KIF25: variants seen among roughly 807,000 people sequenced by gnomAD.
KIF25 encodes the protein kinesin family member 25.
In KIF25, 19 loss-of-function variants were observed where a neutral mutation model predicts 32.9. That is an observed-to-expected ratio of 0.58 (90% CI 0.40 to 0.85). The LOEUF (loss-of-function observed/expected upper bound fraction) is 0.85, where lower values mean the gene tolerates loss of function less well. Ranked by LOEUF, KIF25 falls within the 40% of genes least tolerant of loss-of-function variation. The probability of loss-of-function intolerance (pLI) is 0.00; values close to 1 mark genes in which losing one functional copy is unlikely to be tolerated. For missense variants in KIF25, 485 were observed against 507.0 expected (o/e 0.96, Z 0.42); for synonymous variants, 225 against 213.7 (o/e 1.05, Z -0.46).
At chr6:168,028,570 G>T (rs891936793) in intron 5 of KIF25, among the ~76,000 whole-genome samples, 12 of 145,366 alleles carry the variant, frequency 8.3e-5, no homozygotes, top group Non-Finnish European at 1.5e-4. Flanking sequence ...TTCTATTCTC[G>T]TTCTTTTATT....
intron 9 of KIF25, among the ~76,000 whole-genome samples, chr6:168,039,801 T>C (rs1799088698): frequency 6.6e-6 from 1 of 152,190 alleles, no homozygotes; most frequent in Non-Finnish European, 1.5e-5. Context: ...GAATAGGTGA[T>C]GTTGAAAAGG....
At chr6:168,015,270 G>T (rs1420387467) in intron 4 of KIF25, among the ~76,000 whole-genome samples, 1 of 152,062 alleles carries the variant, frequency 6.6e-6, no homozygotes, top group South Asian at 2.1e-4. Context: ...TGTTGCTCAC[G>T]GGTCTCCTCT....
chr6:168,029,570 G>A lies in KIF25; in HGVS notation c.-16G>A, dbSNP rs373463263. The A allele has an allele frequency of 6.2e-7, 1 of 1,608,062 alleles. No homozygotes were observed. The highest frequency in any genetic ancestry group is 8.5e-7 in the Non-Finnish European group (1 of 1,178,232). ...GCAGGCCAGGCCTGGGTCTGGAGCC[G>A]TCCTGGCCTTCCCAGATGACATGGA... On this transcript the variant is annotated 5_prime_UTR_variant, in exon 6 of 13. Transcript: ENST00000643607.
At chr6:168,030,752 C>T in intron 6 of KIF25, 21 bp from the exon 7 acceptor site, 2 of 1,600,126 alleles carry the variant, frequency 1.2e-6, no homozygotes, top group Non-Finnish European at 1.7e-6. Context: ...ATTAATACAG[C>T]ATTTTCACTT....
At chr6:168,017,496 C>T (rs564632710) in intron 4 of KIF25, among the ~76,000 whole-genome samples, 3 of 152,292 alleles carry the variant, frequency 2.0e-5, no homozygotes, top group South Asian at 2.1e-4. Flanking sequence ...CCAGCAAGAT[C>T]GAAATTTGTT....
chr6:168,012,005 T>TA (rs1382463755), intron 4 of KIF25, among the ~76,000 whole-genome samples: 1 of 152,174 alleles, frequency 6.6e-6, no homozygotes, highest in Non-Finnish European at 1.5e-5. Context: ...ATATCATATA[T>TA]TTCATTGAAT....
chr6:168,016,232 G>GAAGA (rs1329614236), intron 4 of KIF25, among the ~76,000 whole-genome samples: 1 of 152,202 alleles, frequency 6.6e-6, no homozygotes, highest in African/African-American at 2.4e-5. Flanking sequence ...GAAGGGAACT[G>GAAGA]AAGAGCTGCT....
At chr6:168,002,125 TCGGGCAGG>T (rs1798515035) in intron 2 of KIF25, among the ~76,000 whole-genome samples, 1 of 43,512 alleles carries the variant, frequency 2.3e-5, no homozygotes, top group African/African-American at 1.1e-4. Flanking sequence ...AGGCGTGGCC[TCGGGCAGG>T]TGAGAAGACA....
chr6:168,044,421 G>A (rs371295037), intron 12 of KIF25, among the ~76,000 whole-genome samples: 18 of 137,084 alleles, frequency 1.3e-4, no homozygotes, highest in African/African-American at 4.9e-4. Flanking sequence ...GGACCCGGGT[G>A]AGGGGTGCTA....
At chr6:168,017,597 G>A (rs573458265) in intron 4 of KIF25, among the ~76,000 whole-genome samples, 255 of 152,238 alleles carry the variant, frequency 1.7e-3, no homozygotes, top group African/African-American at 5.8e-3. Context: ...CCTCTCCTGC[G>A]AACTGTCAAG....
intron 4 of KIF25, among the ~76,000 whole-genome samples, chr6:168,005,740 C>T (rs1213717551): frequency 6.6e-6 from 1 of 152,166 alleles, no homozygotes. Context: ...CTAGGCCAGT[C>T]TCTCTCTTCA....
intron 12 of KIF25, 109 bp from the exon 13 acceptor site, chr6:168,044,718 C>A: frequency 8.6e-7 from 1 of 1,162,798 alleles, no homozygotes. Flanking sequence ...GCTGGGGCGC[C>A]GGGCGGCCCT....
In KIF25 at chr6:168,044,871, C is replaced by A; in HGVS notation, c.1030C>A (p.Gln344Lys). ...GGTGATTCTCTGCATTTCTCCCAGC[C>A]AGAGGCACCTGGCACAGACGTTGCA... ...LLVILCISPS[Q>K]RHLAQTLQGL... Residue 344 changes from glutamine (Q) to lysine (K), a missense_variant, in exon 13 of 13, where the codon CAG becomes AAG. By Grantham distance (53) the Gln-to-Lys change is moderately conservative. Around this residue, in one of 2 missense-constraint regions of KIF25, gnomAD observed 480 missense variants for 470.3 expected, o/e 1.02. Transcript: ENST00000643607. 1 of 1,609,172 alleles carries A rather than the reference C, an allele frequency of 6.2e-7. No individual in the cohort carries two copies. Among genetic ancestry groups the A allele is most frequent in the Non-Finnish European group, 8.5e-7 (1 of 1,176,644 alleles).
intron 12 of KIF25, 88 bp downstream of exon 12, chr6:168,042,804 G>A: frequency 6.9e-7 from 1 of 1,442,752 alleles, no homozygotes; most frequent in South Asian, 1.3e-5. Flanking sequence ...GTCCTCGAGG[G>A]CCACCCATGC....
intron 3 of KIF25, among the ~76,000 whole-genome samples, chr6:168,002,884 G>C (rs1386319351): frequency 1.3e-5 from 2 of 152,230 alleles, no homozygotes; most frequent in Non-Finnish European, 2.9e-5. Flanking sequence ...TCAGGCATCA[G>C]AGTCTCATAA....
Position 168,003,811 on chromosome 6 carries a change from T to A in KIF25, c.-163+108T>A, listed in dbSNP as rs375771967. 5 of 152,222 alleles carry A rather than the reference T, an allele frequency of 3.3e-5. No homozygotes were observed. In the East Asian group the frequency reaches 9.6e-4, roughly 29 times the overall value. The allele number at this position is 152,222 out of a possible 1,614,324, so 9.4% of individuals were successfully genotyped here. Reference sequence around the variant, plus strand: ...TTTCTTAGTTAAGAAGAGTTGTTTTTGTTCCTTGATTTCTATTGGAACATG... The same window carrying A: ...TTTCTTAGTTAAGAAGAGTTGTTTTAGTTCCTTGATTTCTATTGGAACATG... On this transcript the variant is annotated intron_variant, in intron 4 of 12. Coordinates refer to ENST00000643607, the MANE Select transcript of KIF25 (RefSeq NM_030615.4).
rs200343577 is a variant in KIF25 at position 168,038,615 on chromosome 6, A to G, written c.380A>G (p.Asn127Ser). The G allele has an allele frequency of 1.2e-5, 19 of 1,614,200 alleles. No individual in the cohort carries two copies. The highest frequency in any genetic ancestry group is 4.4e-5 in the South Asian group (4 of 91,074). ...KVEVSIVEVY[N>S]NDIFDLLAKD... ...GAAGTCTCCATAGTGGAAGTTTACA[A>G]TAATGACATTTTTGACCTTCTGGCC... is the stretch of plus-strand genomic sequence containing the variant. The change falls in exon 9 of 13, where the codon AAT (asparagine) becomes AGT (serine). Residue 127 changes from asparagine (N) to serine (S), a missense_variant. This residue lies in a region of KIF25 where 480 missense variants were observed against 470.3 expected (regional missense o/e 1.02). Coordinates refer to ENST00000643607, the MANE Select transcript of KIF25 (RefSeq NM_030615.4).
intron 4 of KIF25, among the ~76,000 whole-genome samples, chr6:168,017,588 C>G (rs984118687): frequency 1.4e-4 from 21 of 152,150 alleles, no homozygotes; most frequent in Admixed American, 1.4e-3. Flanking sequence ...ATTTGAAAAC[C>G]TCTCCTGCGA....
chr6:168,004,000 T>C (rs1341680707), intron 4 of KIF25, among the ~76,000 whole-genome samples: 2 of 152,182 alleles, frequency 1.3e-5, no homozygotes, highest in African/African-American at 4.8e-5. Flanking sequence ...GAGATATAAA[T>C]ATAAAATCAG....
Sources: allele counts gnomAD v4.1 joint callset (sites outside exome capture counted in the v4.1 genomes callset), GRCh38; gene constraint gnomAD v4.1.1; regional missense constraint gnomAD v4.1.1; transcripts MANE v1.5; gene names NCBI Gene and HGNC (gene_info 2026-07-23, HGNC 2026-07-21).